The following NKAIN3 variants were observed in gnomAD, a reference collection of about 807,000 sequenced individuals.
NKAIN3 encodes sodium/potassium-transporting ATPase subunit beta-1-interacting protein 3.
A neutral mutation model predicts 30.2 loss-of-function variants in NKAIN3; 25 were observed. The ratio of observed to expected loss-of-function variants is 0.83; its 90% CI spans 0.60 to 1.16. NKAIN3 has a LOEUF of 1.16. Ranked by LOEUF, NKAIN3 falls within the 50% of genes most tolerant of loss-of-function variation. The pLI, the probability that NKAIN3 is intolerant of heterozygous loss-of-function variation, is 0.00. For synonymous variants in NKAIN3, 91 were observed against 89.6 expected (o/e 1.02, Z -0.09); for missense variants, 225 against 254.1 (o/e 0.89, Z 0.78).
intron 3 of NKAIN3, among the ~76,000 whole-genome samples, chr8:62,743,908 C>T (rs926426880): frequency 6.6e-6 from 1 of 152,110 alleles, no homozygotes; most frequent in Non-Finnish European, 1.5e-5. Flanking sequence ...GAGTAACAGT[C>T]TTATGTCTAC....
chr8:62,883,382 G>A (rs1821046245), intron 4 of NKAIN3, among the ~76,000 whole-genome samples: 1 of 146,876 alleles, frequency 6.8e-6, no homozygotes, highest in Admixed American at 6.9e-5. Context: ...ATATAGGAAA[G>A]TGATTGACTT....
chr8:62,876,644 T>C (rs1307206572), intron 4 of NKAIN3, among the ~76,000 whole-genome samples: 1 of 152,138 alleles, frequency 6.6e-6, no homozygotes, highest in Admixed American at 6.5e-5. Flanking sequence ...TAAAAAGGAA[T>C]GAGATCATGT....
At chr8:62,606,349 T>C (rs1811131253) in intron 3 of NKAIN3, among the ~76,000 whole-genome samples, 1 of 152,120 alleles carries the variant, frequency 6.6e-6, no homozygotes, top group Non-Finnish European at 1.5e-5. Context: ...CCTTTTGAGG[T>C]TATCTGTAAT....
At chr8:62,687,962 G>T (rs1048086070) in intron 3 of NKAIN3, among the ~76,000 whole-genome samples, 1 of 152,212 alleles carries the variant, frequency 6.6e-6, no homozygotes, top group African/African-American at 2.4e-5. Context: ...AAACTACCAA[G>T]AGAGGAAGAA....
chr8:62,471,339 T>C (rs1467200848), intron 1 of NKAIN3, among the ~76,000 whole-genome samples: 1 of 152,112 alleles, frequency 6.6e-6, no homozygotes, highest in Non-Finnish European at 1.5e-5. Flanking sequence ...AATTGCAATA[T>C]GTTAACATCT....
At chr8:62,663,814 A>G in intron 3 of NKAIN3, among the ~76,000 whole-genome samples, 1 of 152,218 alleles carries the variant, frequency 6.6e-6, no homozygotes, top group Non-Finnish European at 1.5e-5. Flanking sequence ...AGTCCAGTTA[A>G]CCATGTAAAG....
At chr8:62,825,783 G>A (rs1819002626) in intron 4 of NKAIN3, among the ~76,000 whole-genome samples, 1 of 152,088 alleles carries the variant, frequency 6.6e-6, no homozygotes, top group South Asian at 2.1e-4. Context: ...ATAAAGTATG[G>A]GGTGACAGAG....
In NKAIN3 at chr8:62,575,826, C is replaced by T. The variant is rs7835725; in HGVS notation, c.55-3713C>T. Among the ~76,000 whole-genome samples, 63 of 152,058 alleles carry T rather than the reference C, an allele frequency of 4.1e-4. No homozygotes were observed. In the East Asian group the frequency reaches 7.0e-3, roughly 17 times the overall value. ...AATAAACTTATATATCTAAAGTGAA[C>T]GAATTTTTTGACAAAGATGCTAAAA... On this transcript the variant is annotated intron_variant, in intron 1 of 6. Coordinates refer to ENST00000623646, the MANE Select transcript of NKAIN3 (RefSeq NM_001304533.3).
At chr8:62,772,327 C>T (rs1420238697) in intron 4 of NKAIN3, among the ~76,000 whole-genome samples, 1 of 152,188 alleles carries the variant, frequency 6.6e-6, no homozygotes, top group Non-Finnish European at 1.5e-5. Flanking sequence ...CACTTTGTTG[C>T]TCCCACATCT....
chr8:62,782,200 CA>C (rs909222619), intron 4 of NKAIN3, among the ~76,000 whole-genome samples: 4 of 148,506 alleles, frequency 2.7e-5, no homozygotes, highest in Non-Finnish European at 3.0e-5. Context: ...CAGAGAAATG[CA>C]AAAAAAAACT....
chr8:62,547,053 G>T lies in NKAIN3; in HGVS notation c.55-32486G>T, dbSNP rs140665674. 9.8e-3 allele frequency among the ~76,000 whole-genome samples: 1,493 copies of T among 152,262 alleles called. 11 individuals carry two copies. Among genetic ancestry groups the T allele is most frequent in the Middle Eastern group, 0.024 (7 of 294 alleles). On this transcript the variant is annotated intron_variant, in intron 1 of 6. Coordinates refer to ENST00000623646, the MANE Select transcript of NKAIN3 (RefSeq NM_001304533.3). ...TGTTGTCTATCTGTGGTCTAAAGAT[G>T]GATTGAAAGACTCACTTGAGGAGGG... is the stretch of plus-strand genomic sequence containing the variant.
chr8:62,949,516 T>C (rs1823221181), intron 5 of NKAIN3, among the ~76,000 whole-genome samples: 1 of 152,300 alleles, frequency 6.6e-6, no homozygotes, highest in Non-Finnish European at 1.5e-5. Flanking sequence ...CAAGTAATAT[T>C]ATTTCTTCCA....
chr8:62,427,014 T>C (rs911179960), intron 1 of NKAIN3, among the ~76,000 whole-genome samples: 2 of 151,960 alleles, frequency 1.3e-5, no homozygotes, highest in African/African-American at 4.8e-5. Flanking sequence ...GTGATACCCA[T>C]AGAGCAGCAC....
At position 62,394,921 on chromosome 8, in the gene NKAIN3, G is replaced by A. The variant is rs76380040; in HGVS notation, c.54+145794G>A. 1.3e-4 allele frequency among the ~76,000 whole-genome samples: 19 copies of A among 147,636 alleles called. 1 individual carries two copies. Among genetic ancestry groups the A allele is most frequent in the Admixed American group, 8.1e-4 (12 of 14,838 alleles). Reference sequence around the variant, plus strand: ...GACGGGGCGGCGGCTGGACAGAGGCGCTCATCACTTCTCAGATGGTGGGGC... The same window carrying A: ...GACGGGGCGGCGGCTGGACAGAGGCACTCATCACTTCTCAGATGGTGGGGC... On this transcript the variant is annotated intron_variant, in intron 1 of 6. Transcript: ENST00000623646.
intron 1 of NKAIN3, among the ~76,000 whole-genome samples, chr8:62,527,882 GGTGTGTGTGTGTGTGTGT>G (rs68020312): frequency 7.0e-6 from 1 of 143,686 alleles, no homozygotes. Context: ...ACTTTTTTTT[GGTGTGTGTGTGTGTGTGT>G]GTGTGTGTGT....
At chr8:62,510,140 G>A (rs1228971775) in intron 1 of NKAIN3, among the ~76,000 whole-genome samples, 4 of 152,064 alleles carry the variant, frequency 2.6e-5, no homozygotes, top group Non-Finnish European at 5.9e-5. Context: ...TCTTGGTGGT[G>A]GAATCAGGGT....
intron 3 of NKAIN3, among the ~76,000 whole-genome samples, chr8:62,703,388 G>C (rs900154663): frequency 2.8e-4 from 43 of 151,956 alleles, no homozygotes; most frequent in Admixed American, 2.6e-3. Flanking sequence ...TTAAAGCTAG[G>C]CTTCTACATA....
chr8:62,392,946 G>A (rs573307673), intron 1 of NKAIN3, among the ~76,000 whole-genome samples: 11 of 152,178 alleles, frequency 7.2e-5, no homozygotes, highest in African/African-American at 2.6e-4. Flanking sequence ...AAATCTTCAT[G>A]TTGATAATGT....
chr8:62,664,120 T>C (rs1563506380), intron 3 of NKAIN3, among the ~76,000 whole-genome samples: 2 of 152,014 alleles, frequency 1.3e-5, no homozygotes, highest in African/African-American at 2.4e-5. Flanking sequence ...AGATCCCCTT[T>C]CTCCTAGCAG....
Sources: allele counts gnomAD v4.1 joint callset (sites outside exome capture counted in the v4.1 genomes callset), GRCh38; gene constraint gnomAD v4.1.1; transcripts MANE v1.5; gene names NCBI Gene and HGNC (gene_info 2026-07-23, HGNC 2026-07-21).